The following ADAMTS19 variants were observed in gnomAD, a reference collection of about 807,000 sequenced individuals.
The protein encoded by ADAMTS19 is ADAM metallopeptidase with thrombospondin type 1 motif 19.
In ADAMTS19, 93 loss-of-function variants were observed where a neutral mutation model predicts 153.3. The observed-to-expected ratio is 0.61, with a 90% CI of 0.51 to 0.72. The LOEUF is 0.72. Among genes scored for constraint, ADAMTS19 ranks in the 30% least tolerant of loss-of-function variants. The pLI is 0.00. For synonymous variants in ADAMTS19, 600 were observed against 556.6 expected, an observed-to-expected ratio of 1.08 and a Z score of -1.10; for missense variants, 1,482 against 1,552.1, an observed-to-expected ratio of 0.95 and a Z score of 0.76.
intron 19 of ADAMTS19, among the ~76,000 whole-genome samples, chr5:129,698,850 G>T (rs115103464): frequency 1.3e-5 from 2 of 152,296 alleles, no homozygotes; most frequent in Non-Finnish European, 2.9e-5. Flanking sequence ...GTGCACTTTA[G>T]GAGAAATCCA....
intron 6 of ADAMTS19, among the ~76,000 whole-genome samples, chr5:129,549,164 C>G (rs1419312956): frequency 6.9e-6 from 1 of 144,830 alleles, no homozygotes; most frequent in Non-Finnish European, 1.5e-5. Flanking sequence ...TACCCTAAAA[C>G]TTAAAGTATA....
chr5:129,559,573 C>A (rs907866075), intron 7 of ADAMTS19, among the ~76,000 whole-genome samples: 3 of 152,054 alleles, frequency 2.0e-5, no homozygotes, highest in Admixed American at 1.3e-4. Flanking sequence ...TTGGTGTAAT[C>A]ATTTTGGAGA....
At position 129,704,407 on chromosome 5, in the gene ADAMTS19, T is replaced by C; in HGVS notation, c.3312+16T>C. 1 of 1,610,252 alleles carries C rather than the reference T, an allele frequency of 6.2e-7. No individual in the cohort carries two copies. The highest frequency in any genetic ancestry group is 8.5e-7 in the Non-Finnish European group (1 of 1,178,210). ...CTGGTCTAAGGTGAGAACCATTCTG[T>C]ATATTCTCAGTAATAGGTTTCAATA... On this transcript the variant is annotated intron_variant, in intron 21 of 22. Transcript: ENST00000274487.
At chr5:129,551,266 A>T (rs552803836) in intron 6 of ADAMTS19, among the ~76,000 whole-genome samples, 1 of 151,708 alleles carries the variant, frequency 6.6e-6, no homozygotes, top group Non-Finnish European at 1.5e-5. Flanking sequence ...TGAATAATTG[A>T]TAACAACAGT....
chr5:129,481,976 C>T (rs932808141), intron 2 of ADAMTS19, among the ~76,000 whole-genome samples: 1 of 152,130 alleles, frequency 6.6e-6, no homozygotes, highest in Admixed American at 6.6e-5. Context: ...CCTTTCTGAG[C>T]TCCTTCCCTC....
At chr5:129,693,910 T>C (rs1357282838) in intron 18 of ADAMTS19, among the ~76,000 whole-genome samples, 1 of 152,172 alleles carries the variant, frequency 6.6e-6, no homozygotes, top group Non-Finnish European at 1.5e-5. Flanking sequence ...GGGGTCTTTA[T>C]TAGAGGTGAT....
chr5:129,654,226 G>C (rs1173625195), intron 13 of ADAMTS19, 80 bp from the exon 14 acceptor site: 1 of 1,340,112 alleles, frequency 7.5e-7, no homozygotes, highest in Non-Finnish European at 1.0e-6. Context: ...ACTCAATAAC[G>C]ATTCTTAAAA....
At chr5:129,504,369 T>C (rs1751200568) in intron 2 of ADAMTS19, among the ~76,000 whole-genome samples, 1 of 152,196 alleles carries the variant, frequency 6.6e-6, no homozygotes. Flanking sequence ...TTAAATTACT[T>C]TAAATGACAA....
In ADAMTS19 at chr5:129,694,787, G is replaced by A. The variant is rs2127148457; in HGVS notation, c.2886G>A (p.Glu962=). The A allele has an allele frequency of 3.7e-6, 6 of 1,610,392 alleles. No individual in the cohort carries two copies. Among genetic ancestry groups the A allele is most frequent in the Non-Finnish European group, 5.1e-6 (6 of 1,178,098 alleles). ...AAAATATCAGCATTGTGGACAATGA[G>A]AAATGCAAATACTTAACCAAGCCAG... ...MSKNISIVDN[E]KCKYLTKPEP... Residue 962 remains glutamate, a synonymous_variant, in exon 19 of 23, where the codon GAG becomes GAA. Coordinates refer to ENST00000274487, the MANE Select transcript of ADAMTS19 (RefSeq NM_133638.6).
intron 10 of ADAMTS19, among the ~76,000 whole-genome samples, chr5:129,626,428 C>A (rs530088884): frequency 4.7e-4 from 71 of 152,160 alleles, no homozygotes; most frequent in African/African-American, 1.7e-3. Flanking sequence ...TCCTTGATCT[C>A]TGAAAATATG....
intron 16 of ADAMTS19, among the ~76,000 whole-genome samples, chr5:129,678,730 T>C (rs769826538): frequency 7.2e-5 from 11 of 152,202 alleles, no homozygotes; most frequent in Non-Finnish European, 1.6e-4. Context: ...CAAATCTGGA[T>C]ATTTAAGGGA....
At chr5:129,572,380 A>C (rs1041582798) in intron 7 of ADAMTS19, among the ~76,000 whole-genome samples, 1 of 151,990 alleles carries the variant, frequency 6.6e-6, no homozygotes, top group South Asian at 2.1e-4. Context: ...CTAAAGGTAA[A>C]TATGCACTTA....
At position 129,699,359 on chromosome 5, in the gene ADAMTS19, G is replaced by A. The variant is rs12651777; in HGVS notation, c.2955-2029G>A. ...AACAGCTTGAACCCAGGAGGTGGAG[G>A]TTGCAGTGAGCCAAGATTGTACCAT... On this transcript the variant is annotated intron_variant, in intron 19 of 22. Coordinates refer to ENST00000274487, the MANE Select transcript of ADAMTS19 (RefSeq NM_133638.6). Among the ~76,000 whole-genome samples, 274 of 150,924 alleles carry A rather than the reference G, an allele frequency of 1.8e-3. 9 individuals are homozygous for A. In the East Asian group the frequency reaches 0.051, roughly 28 times the overall value.
At chr5:129,501,006 C>T (rs1751084322) in intron 2 of ADAMTS19, among the ~76,000 whole-genome samples, 1 of 151,896 alleles carries the variant, frequency 6.6e-6, no homozygotes. Context: ...CAAACGTATG[C>T]CCACACACAG....
chr5:129,515,352 G>A (rs1278549811), intron 3 of ADAMTS19, among the ~76,000 whole-genome samples: 1 of 151,692 alleles, frequency 6.6e-6, no homozygotes, highest in African/African-American at 2.4e-5. Context: ...TGTTTTGATA[G>A]GGATTGTATT....
intron 3 of ADAMTS19, among the ~76,000 whole-genome samples, chr5:129,522,332 C>CACACAT (rs1309115957): frequency 2.6e-4 from 15 of 58,614 alleles, no homozygotes; most frequent in African/African-American, 1.1e-3. Flanking sequence ...CACACACACA[C>CACACAT]ATATATATAT....
chr5:129,463,445 A>G (rs1282907853), intron 2 of ADAMTS19, among the ~76,000 whole-genome samples: 1 of 152,232 alleles, frequency 6.6e-6, no homozygotes, highest in African/African-American at 2.4e-5. Context: ...GGAGTTTGAC[A>G]TACATCCCTG....
At chr5:129,474,796 G>A (rs1324938050) in intron 2 of ADAMTS19, among the ~76,000 whole-genome samples, 2 of 152,214 alleles carry the variant, frequency 1.3e-5, no homozygotes, top group Non-Finnish European at 2.9e-5. Context: ...ATGTGCAGCG[G>A]TATCTCATGT....
At chr5:129,729,869 G>C (rs943498226) in intron 21 of ADAMTS19, among the ~76,000 whole-genome samples, 1 of 152,040 alleles carries the variant, frequency 6.6e-6, no homozygotes, top group Non-Finnish European at 1.5e-5. Context: ...TTGACTAAAA[G>C]TGTCAGGAAT....
Sources: allele counts gnomAD v4.1 joint callset (sites outside exome capture counted in the v4.1 genomes callset), GRCh38; gene constraint gnomAD v4.1.1; transcripts MANE v1.5; gene names NCBI Gene and HGNC (gene_info 2026-07-23, HGNC 2026-07-21).